PRDM16: variants seen among roughly 807,000 people sequenced by gnomAD.
The protein encoded by PRDM16 is PR/SET domain 16.
Under a neutral mutation model 110.6 loss-of-function variants are expected in PRDM16, and 23 were observed. That is an observed-to-expected ratio of 0.21 (90% CI 0.15 to 0.29). PRDM16 has a LOEUF of 0.29. PRDM16 is among the 10% of genes least tolerant of loss of function. The probability of loss-of-function intolerance (pLI) is 1.00; values close to 1 mark genes in which losing one functional copy is unlikely to be tolerated. For missense variants in PRDM16, 1,615 were observed against 1,794.3 expected (o/e 0.90, Z 1.81); for synonymous variants, 799 against 781.8 (o/e 1.02, Z -0.37).
chr1:3,380,274 G>A (rs972963846), intron 3 of PRDM16, among the ~76,000 whole-genome samples: 1 of 151,886 alleles, frequency 6.6e-6, no homozygotes, highest in Non-Finnish European at 1.5e-5. Context: ...GTGCCCCTCT[G>A]TGGAAGGAAG....
At position 3,412,332 on chromosome 1, in the gene PRDM16, A is replaced by G; in HGVS notation, c.2135A>G (p.Gln712Arg). 6.2e-7 allele frequency: 1 copy of G among 1,613,804 alleles called. No homozygotes were observed. Among genetic ancestry groups the G allele is most frequent in the Non-Finnish European group, 8.5e-7 (1 of 1,180,014 alleles). The change falls in exon 9 of 17, where the codon CAG (glutamine) becomes CGG (arginine). Residue 712 changes from glutamine to arginine, a missense_variant. Physicochemically the swap from Gln to Arg is conservative, Grantham distance 43. This residue lies in a region of PRDM16 where 772 missense variants were observed against 748.3 expected (regional missense o/e 1.03). Transcript: ENST00000270722. Reference sequence around the variant, plus strand: ...TTTGGCCCCGGCTTCATGGGGATGCAGGAGAAGAAGCTGGGCTCGCTCCCC... The same window carrying G: ...TTTGGCCCCGGCTTCATGGGGATGCGGGAGAAGAAGCTGGGCTCGCTCCCC... The part of the protein sequence containing the change: ...KYFGPGFMGM[Q>R]EKKLGSLPYH...
At chr1:3,319,052 T>C (rs781015853) in intron 3 of PRDM16, among the ~76,000 whole-genome samples, 5 of 152,198 alleles carry the variant, frequency 3.3e-5, no homozygotes, top group Non-Finnish European at 7.4e-5. Flanking sequence ...AGACTGTCTG[T>C]GCAGGGGTTG....
intron 1 of PRDM16, among the ~76,000 whole-genome samples, chr1:3,112,567 C>T (rs1642821631): frequency 6.6e-6 from 1 of 152,226 alleles, no homozygotes; most frequent in South Asian, 2.1e-4. Flanking sequence ...ATGTTTGCTG[C>T]CCTGACTCCA....
At chr1:3,087,377 C>T (rs905081471) in intron 1 of PRDM16, among the ~76,000 whole-genome samples, 3 of 152,150 alleles carry the variant, frequency 2.0e-5, no homozygotes, top group African/African-American at 4.8e-5. Context: ...CCACAGAGCA[C>T]GGGCTGAGGA....
chr1:3,172,450 T>G (rs1375415102), intron 1 of PRDM16, among the ~76,000 whole-genome samples: 1 of 152,182 alleles, frequency 6.6e-6, no homozygotes, highest in East Asian at 1.9e-4. Flanking sequence ...GTTTTGTTGA[T>G]GCTAAGAGCA....
At chr1:3,138,781 G>C (rs903459789) in intron 1 of PRDM16, among the ~76,000 whole-genome samples, 1 of 152,224 alleles carries the variant, frequency 6.6e-6, no homozygotes, top group African/African-American at 2.4e-5. Context: ...GTTGGTCATC[G>C]TGTGAGGAGG....
Position 3,402,780 on chromosome 1 carries a change from C to G in PRDM16, c.677-11C>G. 1 of 1,605,614 alleles carries G rather than the reference C, an allele frequency of 6.2e-7. No individual in the cohort carries two copies. Among genetic ancestry groups the G allele is most frequent in the Non-Finnish European group, 8.5e-7 (1 of 1,173,862 alleles). On this transcript the variant is annotated splice_polypyrimidine_tract_variant and intron_variant, in intron 5 of 16. Transcript: ENST00000270722. The stretch of plus-strand genomic sequence containing the variant: ...AGCTCACTCACCACCACCTCGTTCT[C>G]TCTCTTGCAGAGGAGCCCACGTTCC...
intron 1 of PRDM16, among the ~76,000 whole-genome samples, chr1:3,176,738 A>ATCCATCCG (rs1553139575): frequency 0.05 from 7,527 of 149,626 alleles, 210 homozygotes; most frequent in Admixed American, 0.07. Context: ...CCATCCATCC[A>ATCCATCCG]TCCATCTATT....
chr1:3,247,433 G>A (rs2937390), intron 3 of PRDM16, among the ~76,000 whole-genome samples: 10,772 of 152,262 alleles, frequency 0.071, 826 homozygotes, highest in East Asian at 0.24. Context: ...AGGGTTGTAT[G>A]GAGGCCTGGG....
rs1029798949 is a variant in PRDM16 at position 3,118,709 on chromosome 1, G to A, written c.37+49413G>A. 7.9e-5 allele frequency among the ~76,000 whole-genome samples: 12 copies of A among 152,214 alleles called. 1 individual carries two copies. Among genetic ancestry groups the A allele is most frequent in the South Asian group, 6.2e-4 (3 of 4,830 alleles). On this transcript the variant is annotated intron_variant, in intron 1 of 16. Transcript: ENST00000270722. ...GGGGGGTGTCAGGGACCCCCAGAGC[G>A]GACTTGATCTCAGCCTGGGGGCCAC...
intron 3 of PRDM16, among the ~76,000 whole-genome samples, chr1:3,248,836 T>C (rs1639856209): frequency 6.6e-6 from 1 of 152,244 alleles, no homozygotes; most frequent in South Asian, 2.1e-4. Context: ...GCGTTTTCTA[T>C]AGCCCGGCCC....
In PRDM16 at chr1:3,289,627, C is replaced by T. The variant is rs772467829; in HGVS notation, c.438+45490C>T. 7.9e-5 allele frequency among the ~76,000 whole-genome samples: 12 copies of T among 152,286 alleles called. 1 individual carries two copies. Among genetic ancestry groups the T allele is most frequent in the East Asian group, 5.8e-4 (3 of 5,174 alleles). ...GCCTGCGGGCAGGTCAGGAGCTGGGCGGGTCCACGGTGAGCCCCAGAGCTG... is the reference window on the plus strand; with the variant it reads ...GCCTGCGGGCAGGTCAGGAGCTGGGTGGGTCCACGGTGAGCCCCAGAGCTG... On this transcript the variant is annotated intron_variant, in intron 3 of 16. Transcript: ENST00000270722.
intron 3 of PRDM16, among the ~76,000 whole-genome samples, chr1:3,326,639 C>T (rs1000561988): frequency 3.3e-5 from 5 of 152,210 alleles, no homozygotes; most frequent in African/African-American, 1.2e-4. Context: ...AGTGCACCAC[C>T]TCCCTGAGGG....
chr1:3,070,610 G>A (rs1049136761), intron 1 of PRDM16, among the ~76,000 whole-genome samples: 13 of 130,956 alleles, frequency 9.9e-5, no homozygotes, highest in Non-Finnish European at 1.9e-4. Context: ...ACGCCGTTCC[G>A]TCCGCGCCTC....
chr1:3,403,147 C>G lies in PRDM16; in HGVS notation c.884+149C>G, dbSNP rs182476908. ...GTAGACAAAGGGCCCCCTGGTGGGA[C>G]ACACCCTGGGGATATGTGCCCCTTC... On this transcript the variant is annotated intron_variant, in intron 6 of 16. Coordinates refer to ENST00000270722, the MANE Select transcript of PRDM16 (RefSeq NM_022114.4). 14,989 of 762,574 alleles carry G rather than the reference C, an allele frequency of 0.02. 264 individuals carry two copies. The highest frequency in any genetic ancestry group is 0.024 in the Non-Finnish European group (10,798 of 452,518). 47.2% of individuals were successfully genotyped at this position (762,574 alleles called of 1,614,324 possible). A position where few individuals can be genotyped will look rare whatever the true frequency, so the allele number is the denominator to read the frequency against.
chr1:3,179,282 C>T lies in PRDM16; in HGVS notation c.38-6843C>T, dbSNP rs1021565324. Among the ~76,000 whole-genome samples the T allele has an allele frequency of 3.9e-5, 6 of 152,246 alleles. No homozygotes were observed. In the South Asian group the frequency reaches 6.2e-4, roughly 16 times the overall value. On this transcript the variant is annotated intron_variant, in intron 1 of 16. Coordinates refer to ENST00000270722, the MANE Select transcript of PRDM16 (RefSeq NM_022114.4). ...AGCAGGGCCAGGACTGGGGTCAGAG[C>T]GCTTGTGCCCCAGGGCATGGACAGG...
In PRDM16 at chr1:3,225,790, G is replaced by A. The variant is rs112885755; in HGVS notation, c.388-18297G>A. Among the ~76,000 whole-genome samples, 1,470 of 152,276 alleles carry A rather than the reference G, an allele frequency of 9.7e-3. 28 individuals carry two copies. The highest frequency in any genetic ancestry group is 0.034 in the African/African-American group (1,402 of 41,544). On this transcript the variant is annotated intron_variant, in intron 2 of 16. Coordinates refer to ENST00000270722, the MANE Select transcript of PRDM16 (RefSeq NM_022114.4). Reference sequence around the variant, plus strand: ...ACATCTGGGCTCCAAGTGGGCAATCGGCCCCACCTCCAGAAGTGTCGGATC... The same window carrying A: ...ACATCTGGGCTCCAAGTGGGCAATCAGCCCCACCTCCAGAAGTGTCGGATC...
chr1:3,349,788 G>A (rs990773608), intron 3 of PRDM16, among the ~76,000 whole-genome samples: 2 of 152,208 alleles, frequency 1.3e-5, no homozygotes, highest in Admixed American at 6.5e-5. Context: ...GTTCACAGAG[G>A]CCTGAGCTCT....
intron 1 of PRDM16, among the ~76,000 whole-genome samples, chr1:3,164,153 T>C (rs1425738910): frequency 6.6e-6 from 1 of 152,216 alleles, no homozygotes; most frequent in Non-Finnish European, 1.5e-5. Context: ...TTACACACCA[T>C]GCAAACGTCC....
Sources: gnomAD v4.1 joint callset for allele counts (sites outside exome capture counted in the v4.1 genomes callset) on GRCh38, gnomAD v4.1.1 for gene constraint, gnomAD v4.1.1 regional missense constraint, MANE v1.5 for transcripts, NCBI Gene and HGNC (gene_info 2026-07-23, HGNC 2026-07-21) for gene names.